Variants in CCDC171 observed in about 807,000 individuals in gnomAD.
CCDC171 encodes the protein coiled-coil domain-containing protein 171.
CCDC171 carries 177 observed loss-of-function variants against 168.2 expected under a neutral mutation model. The observed-to-expected ratio is 1.05, with a 90% CI of 0.93 to 1.19. CCDC171 has a LOEUF of 1.19. Among genes scored for constraint, CCDC171 ranks in the 50% most tolerant of loss-of-function variants. The pLI is 0.00. For synonymous variants in CCDC171, 687 were observed against 540.8 expected, an observed-to-expected ratio of 1.27 and a Z score of -3.75; for missense variants, 1,991 against 1,539.0, an observed-to-expected ratio of 1.29 and a Z score of -4.91.
intron 8 of CCDC171, among the ~76,000 whole-genome samples, chr9:15,662,589 A>G (rs2048398106): frequency 6.6e-6 from 1 of 152,126 alleles, no homozygotes; most frequent in African/African-American, 2.4e-5. Flanking sequence ...TCAGCTCCTC[A>G]AGATCTAAGA....
chr9:16,092,572 A>G, the CCDC171 span, among the ~76,000 whole-genome samples: 1 of 152,120 alleles, frequency 6.6e-6, no homozygotes, highest in Admixed American at 6.5e-5. Flanking sequence ...ATGTCATAGC[A>G]CTTTACAACT....
intron 18 of CCDC171, among the ~76,000 whole-genome samples, chr9:15,771,967 G>A (rs2057036305): frequency 6.6e-6 from 1 of 151,958 alleles, no homozygotes; most frequent in African/African-American, 2.4e-5. Flanking sequence ...GGAGTAGCTG[G>A]GATTACAGGC....
At chr9:15,957,156 C>T (rs972268349) in intron 25 of CCDC171, among the ~76,000 whole-genome samples, 16 of 151,678 alleles carry the variant, frequency 1.1e-4, no homozygotes, top group African/African-American at 3.9e-4. Context: ...GAAGAGAAGT[C>T]GTTAAACATC....
At chr9:15,626,533 A>G (rs1467028491) in intron 7 of CCDC171, among the ~76,000 whole-genome samples, 4 of 152,180 alleles carry the variant, frequency 2.6e-5, no homozygotes, top group Non-Finnish European at 5.9e-5. Context: ...AGGGCTGTAG[A>G]ATTTTGTCAA....
At chr9:15,888,175 A>T (rs1819684840) in intron 24 of CCDC171, 1 of 152,258 alleles carries the variant, frequency 6.6e-6, no homozygotes, top group Admixed American at 6.5e-5. Flanking sequence ...TAAAAAAATA[A>T]GAGAAGGTAA....
intron 24 of CCDC171, among the ~76,000 whole-genome samples, chr9:15,878,945 G>C (rs1403975653): frequency 6.6e-6 from 1 of 152,076 alleles, no homozygotes; most frequent in Non-Finnish European, 1.5e-5. Flanking sequence ...ACACAAAGAG[G>C]GGAACAATTG....
chr9:16,064,276 A>G (rs1213513656), downstream of CCDC171, among the ~76,000 whole-genome samples: 3 of 152,164 alleles, frequency 2.0e-5, no homozygotes, highest in African/African-American at 7.2e-5. Context: ...CAAGTCCAGA[A>G]TGTATCCAAG....
At chr9:15,729,573 G>T in intron 15 of CCDC171, 37 bp from the exon 16 acceptor site, 2 of 1,382,698 alleles carry the variant, frequency 1.4e-6, no homozygotes, top group South Asian at 1.5e-5. Context: ...AATAGCTTGT[G>T]AGCATATTTC....
intron 25 of CCDC171, among the ~76,000 whole-genome samples, chr9:15,969,267 C>G (rs779854506): frequency 1.3e-5 from 2 of 152,080 alleles, no homozygotes; most frequent in Non-Finnish European, 2.9e-5. Flanking sequence ...AAAGAGGGAC[C>G]TCTTTGTAGG....
In CCDC171 at chr9:15,564,100, T is replaced by G. The variant is rs370690312; in HGVS notation, c.12T>G (p.Asn4Lys). 18 of 1,606,872 alleles carry G rather than the reference T, an allele frequency of 1.1e-5. No individual in the cohort carries two copies. Among genetic ancestry groups the G allele is most frequent in the Non-Finnish European group, 1.4e-5 (17 of 1,176,116 alleles). Reference protein sequence around the residue: MNLNTSSNTGDTQR... With the variant: MNLKTSSNTGDTQR... ...AGTTGGAAAACATCATGAATTTGAA[T>G]ACTTCAAGTAATACTGGTGATACCC... Residue 4 changes from asparagine to lysine, a missense_variant, in exon 2 of 26, where the codon AAT (asparagine) becomes AAG (lysine). Transcript: ENST00000380701.
rs572972402 is a variant in CCDC171 at position 15,808,807 on chromosome 9, T to C, written c.3267+24113T>C. On this transcript the variant is annotated intron_variant, in intron 21 of 25. Coordinates refer to ENST00000380701, the MANE Select transcript of CCDC171 (RefSeq NM_173550.4). ...ATGATAGGATGTTGCCTTAGTCTAT[T>C]TGGGCTGCTGTACCAAAATACAATA... 3.0e-4 allele frequency among the ~76,000 whole-genome samples: 45 copies of C among 152,280 alleles called. 1 individual carries two copies. The highest frequency in any genetic ancestry group is 9.2e-4 in the Admixed American group (14 of 15,290).
rs7043020 is a variant in CCDC171, at chr9:15,746,039, T to C, written c.2671+408T>C. Among the ~76,000 whole-genome samples the C allele has an allele frequency of 9.7e-3, 1,475 of 152,338 alleles. 27 individuals are homozygous for C. Among genetic ancestry groups the C allele is most frequent in the African/African-American group, 0.034 (1,406 of 41,570 alleles). ...AATTTTTATCTCTCGTTTTGTGATA[T>C]ATTTTTTTACTTTTTCTAGTTTATT... On this transcript the variant is annotated intron_variant, in intron 18 of 25. Transcript: ENST00000380701.
At chr9:15,663,710 A>G (rs1468854145) in intron 8 of CCDC171, among the ~76,000 whole-genome samples, 1 of 147,470 alleles carries the variant, frequency 6.8e-6, no homozygotes, top group African/African-American at 2.5e-5. Flanking sequence ...GATTCATGCC[A>G]TTCTCCTGCC....
intron 1 of CCDC171, among the ~76,000 whole-genome samples, chr9:16,048,963 A>AC (rs397959103): frequency 4.0e-5 from 6 of 151,198 alleles, no homozygotes; most frequent in African/African-American, 1.2e-4. Flanking sequence ...AAAAAAAAAA[A>AC]CCCAAACACC....
At chr9:15,861,177 A>G (rs912996190) in intron 23 of CCDC171, among the ~76,000 whole-genome samples, 1 of 150,036 alleles carries the variant, frequency 6.7e-6, no homozygotes, top group African/African-American at 2.4e-5. Context: ...ACATCCTTAA[A>G]TCTAAAATGA....
chr9:15,618,765 G>C (rs545790254), intron 6 of CCDC171, among the ~76,000 whole-genome samples: 2 of 152,140 alleles, frequency 1.3e-5, no homozygotes, highest in South Asian at 4.2e-4. Flanking sequence ...GGAGGGAGTT[G>C]CCCTAGCTCC....
chr9:15,648,582 C>A (rs2047235906), intron 7 of CCDC171, among the ~76,000 whole-genome samples: 1 of 152,166 alleles, frequency 6.6e-6, no homozygotes, highest in Non-Finnish European at 1.5e-5. Flanking sequence ...GCAAAAATCA[C>A]AAGCATTCTT....
chr9:15,830,810 T>A (rs2060198115), intron 21 of CCDC171, among the ~76,000 whole-genome samples: 1 of 152,138 alleles, frequency 6.6e-6, no homozygotes. Context: ...CTTAATTGCT[T>A]AAGAATTGTT....
chr9:15,689,901 A>G (rs1384810221), intron 10 of CCDC171, among the ~76,000 whole-genome samples: 3 of 152,176 alleles, frequency 2.0e-5, no homozygotes, highest in Non-Finnish European at 4.4e-5. Context: ...ATCCTTCATG[A>G]TTATGTTTAG....
Sources: gnomAD v4.1 joint callset for allele counts (sites outside exome capture counted in the v4.1 genomes callset) on GRCh38, gnomAD v4.1.1 for gene constraint, MANE v1.5 for transcripts, NCBI Gene and HGNC (gene_info 2026-07-23, HGNC 2026-07-21) for gene names.